Variants in AHRR observed in about 807,000 individuals in gnomAD.
AHRR encodes the protein ahR repressor.
A neutral mutation model predicts 44.0 loss-of-function variants in AHRR; 28 were observed. The observed-to-expected ratio is 0.64, with a 90% CI of 0.47 to 0.87. The LOEUF is 0.87. AHRR is among the 40% of genes least tolerant of loss of function. The pLI is 0.00. For synonymous variants in AHRR, 434 were observed against 407.0 expected, an observed-to-expected ratio of 1.07 and a Z score of -0.80; for missense variants, 990 against 953.9, an observed-to-expected ratio of 1.04 and a Z score of -0.50.
At chr5:355,297 C>T (rs1002126119) in intron 3 of AHRR, among the ~76,000 whole-genome samples, 1 of 152,110 alleles carries the variant, frequency 6.6e-6, no homozygotes, top group African/African-American at 2.4e-5. Context: ...ACCCTGCATG[C>T]ACCTGGGCAT....
Position 337,864 on chromosome 5 carries a change from A to G in AHRR, c.-10-6029A>G, listed in dbSNP as rs554118937. Reference sequence around the variant, plus strand: ...ATGGCAGTGGTGAGCAGGAACACGAAAAAATAGGAAGCACTGGAACCAGGA... The same window carrying G: ...ATGGCAGTGGTGAGCAGGAACACGAGAAAATAGGAAGCACTGGAACCAGGA... On this transcript the variant is annotated intron_variant, in intron 1 of 10. Coordinates refer to ENST00000684583, the MANE Select transcript of AHRR (RefSeq NM_001377236.1). This position sits in a 1 kb window ranked among gnomAD's most constrained non-coding sequence, Gnocchi z 4.1. 2.8e-4 allele frequency among the ~76,000 whole-genome samples: 43 copies of G among 152,304 alleles called. No individual in the cohort carries two copies. The highest frequency in any genetic ancestry group is 5.4e-4 in the Non-Finnish European group (37 of 68,020).
intron 2 of AHRR, among the ~76,000 whole-genome samples, chr5:345,071 T>A (rs1742569874): frequency 7.0e-5 from 1 of 14,186 alleles, no homozygotes; most frequent in South Asian, 1.9e-3. Flanking sequence ...TGTGTGGGGA[T>A]GTGTGTGTGT....
intron 3 of AHRR, among the ~76,000 whole-genome samples, chr5:371,350 C>T (rs929910599): frequency 6.6e-6 from 1 of 152,234 alleles, no homozygotes; most frequent in Admixed American, 6.5e-5. Flanking sequence ...GGTCAGCACA[C>T]TAGGCCTGTG....
Position 434,161 on chromosome 5 carries a change from A to G in AHRR, c.1421A>G (p.Asp474Gly). 6.2e-7 allele frequency: 1 copy of G among 1,604,960 alleles called. No individual in the cohort carries two copies. The highest frequency in any genetic ancestry group is 8.5e-7 in the Non-Finnish European group (1 of 1,176,020). Reference protein sequence around the residue: ...TSRPMRDVGEDQVHPPLCHFP... With the variant: ...TSRPMRDVGEGQVHPPLCHFP... The stretch of plus-strand genomic sequence containing the variant: ...AGACCCATGCGGGATGTCGGTGAGG[A>G]CCAGGTGCACCCTCCCCTCTGCCAC... The change falls in exon 11 of 11, where the codon GAC becomes GGC. Residue 474 changes from aspartate to glycine, a missense_variant. Transcript: ENST00000684583.
At chr5:397,254 A>G (rs372519379) in intron 4 of AHRR, among the ~76,000 whole-genome samples, 3,462 of 70,462 alleles carry the variant, frequency 0.049, 209 homozygotes, top group African/African-American at 0.25. Context: ...GCCCCTGACC[A>G]TCCACGTAGC....
At chr5:424,523 C>T (rs930448624) in intron 7 of AHRR, among the ~76,000 whole-genome samples, 4 of 151,444 alleles carry the variant, frequency 2.6e-5, no homozygotes, top group East Asian at 1.9e-4. Flanking sequence ...GGGGCTGTGA[C>T]GCCTCTGGGC....
intron 8 of AHRR, among the ~76,000 whole-genome samples, chr5:430,308 C>T (rs957544359): frequency 3.3e-5 from 5 of 152,248 alleles, no homozygotes; most frequent in African/African-American, 1.2e-4. Flanking sequence ...TGTTCTTTGG[C>T]GCCTTTGACG....
chr5:359,778 G>A (rs1453712892), intron 3 of AHRR, among the ~76,000 whole-genome samples: 2 of 152,118 alleles, frequency 1.3e-5, no homozygotes, highest in East Asian at 1.9e-4. Flanking sequence ...GGGCACATCC[G>A]CTTCACCCCA....
chr5:353,963 C>T (rs765654522), intron 3 of AHRR, 52 bp downstream of exon 3: 2 of 1,560,752 alleles, frequency 1.3e-6, no homozygotes, highest in Non-Finnish European at 1.7e-6. Context: ...CTGTGTCTCC[C>T]CTGAGTCCAT....
chr5:373,362 G>A lies in AHRR; in HGVS notation c.245-3248G>A, dbSNP rs555292510. On this transcript the variant is annotated intron_variant, in intron 3 of 10. Coordinates refer to ENST00000684583, the MANE Select transcript of AHRR (RefSeq NM_001377236.1). Reference sequence around the variant, plus strand: ...CAGGGCCCCTCTCTGCAGACCCTGCGGGACCAGCAGGCCGGGCGGTGGCTG... The same window carrying A: ...CAGGGCCCCTCTCTGCAGACCCTGCAGGACCAGCAGGCCGGGCGGTGGCTG... 1.9e-4 allele frequency among the ~76,000 whole-genome samples: 29 copies of A among 152,358 alleles called. No homozygotes were observed. The East Asian group carries it at 3.3e-3, about 17-fold the overall frequency.
chr5:412,713 CTCTTTTTTT>C (rs1275424989), intron 4 of AHRR, among the ~76,000 whole-genome samples: 1 of 133,228 alleles, frequency 7.5e-6, no homozygotes, highest in Non-Finnish European at 1.6e-5. Context: ...TTCTCTCTCT[CTCTTTTTTT>C]TTTTTTTTTT....
intron 4 of AHRR, chr5:403,779 C>G: frequency 6.6e-7 from 1 of 1,522,896 alleles, no homozygotes; most frequent in Non-Finnish European, 9.0e-7. Context: ...GGTCTTTGTT[C>G]AAAGGGTCTC....
At chr5:350,775 T>TAAAAAAAAAAAAAAAAAAA (rs11306149) in intron 2 of AHRR, among the ~76,000 whole-genome samples, 1 of 133,500 alleles carries the variant, frequency 7.5e-6, no homozygotes, top group African/African-American at 2.8e-5. Context: ...GGTGCAACAT[T>TAAAAAAAAAAAAAAAAAAA]AAAAAAAAAA....
intron 5 of AHRR, among the ~76,000 whole-genome samples, chr5:413,935 C>G (rs2126513370): frequency 6.6e-6 from 1 of 152,328 alleles, no homozygotes; most frequent in African/African-American, 2.4e-5. Context: ...ATACCAAGCC[C>G]TGGAAGGGCA....
intron 5 of AHRR, chr5:421,445 C>T (rs771391211): frequency 3.7e-6 from 2 of 539,718 alleles, no homozygotes; most frequent in African/African-American, 2.0e-5. Flanking sequence ...CGGGTGCCGG[C>T]GATGCCCTGT....
chr5:373,029 T>G (rs1743630740), intron 3 of AHRR, among the ~76,000 whole-genome samples: 1 of 152,176 alleles, frequency 6.6e-6, no homozygotes, highest in Non-Finnish European at 1.5e-5. Flanking sequence ...GACTTCACAT[T>G]CTCGCTGTTC....
chr5:397,762 C>T (rs1227435425), intron 4 of AHRR, among the ~76,000 whole-genome samples: 10 of 128,218 alleles, frequency 7.8e-5, no homozygotes, highest in Non-Finnish European at 1.3e-4. Flanking sequence ...TCCATGTTAG[C>T]CCCTGACCGT....
chr5:393,142 C>T (rs139404351), intron 4 of AHRR, among the ~76,000 whole-genome samples: 119 of 152,292 alleles, frequency 7.8e-4, no homozygotes, highest in African/African-American at 2.8e-3. Flanking sequence ...ATGGGGATGC[C>T]TTTGAAATGA....
rs1010896806 is a variant in AHRR at position 405,654 on chromosome 5, C to T, written c.352-7690C>T. On this transcript the variant is annotated intron_variant, in intron 4 of 10. Coordinates refer to ENST00000684583, the MANE Select transcript of AHRR (RefSeq NM_001377236.1). This position sits in a 1 kb window ranked among gnomAD's most constrained non-coding sequence, Gnocchi z 4.5. ...TCAGGTCGGTGGGAGTGAGGGCCTT[C>T]GGGTCGCCGGCACCTGACCCAGCAG... 2.0e-5 allele frequency among the ~76,000 whole-genome samples: 3 copies of T among 152,192 alleles called. No individual in the cohort carries two copies. The highest frequency in any genetic ancestry group is 2.9e-5 in the Non-Finnish European group (2 of 68,030).
Sources: allele counts gnomAD v4.1 joint callset (sites outside exome capture counted in the v4.1 genomes callset), GRCh38; gene constraint gnomAD v4.1.1; non-coding constraint Gnocchi (gnomAD v3.1); transcripts MANE v1.5; gene names NCBI Gene and HGNC (gene_info 2026-07-23, HGNC 2026-07-21).